SYNRG: variants seen among roughly 807,000 people sequenced by gnomAD.
SYNRG encodes AP1 gamma subunit binding protein 1.
SYNRG carries 37 observed loss-of-function variants against 130.9 expected under a neutral mutation model. The ratio of observed to expected loss-of-function variants is 0.28; its 90% CI spans 0.22 to 0.37. The LOEUF (loss-of-function observed/expected upper bound fraction) is 0.37, where lower values mean the gene tolerates loss of function less well. Among genes scored for constraint, SYNRG ranks in the 10% least tolerant of loss-of-function variants. The probability of loss-of-function intolerance (pLI) is 1.00; values close to 1 mark genes in which losing one functional copy is unlikely to be tolerated. For synonymous variants in SYNRG, 539 were observed against 568.1 expected, an observed-to-expected ratio of 0.95 and a Z score of 0.73; for missense variants, 1,338 against 1,588.9, an observed-to-expected ratio of 0.84 and a Z score of 2.68.
intron 1 of SYNRG, among the ~76,000 whole-genome samples, chr17:37,604,230 A>C (rs2063541393): frequency 1.5e-5 from 2 of 135,336 alleles, no homozygotes; most frequent in Non-Finnish European, 3.1e-5. Context: ...ACAGAGTGAG[A>C]CTCTGTCTAT....
intron 11 of SYNRG, 104 bp from the exon 12 acceptor site, chr17:37,561,693 T>C: frequency 2.6e-6 from 2 of 763,734 alleles, no homozygotes; most frequent in South Asian, 3.5e-5. Flanking sequence ...TTAAAACTCA[T>C]GGCTCTCTGC....
chr17:37,600,244 G>T, intron 2 of SYNRG, 119 bp downstream of exon 2: 1 of 828,432 alleles, frequency 1.2e-6, no homozygotes, highest in Non-Finnish European at 1.8e-6. Context: ...GTTTAAGAGT[G>T]CAGAAAATTT....
At chr17:37,577,690 A>ATT in intron 6 of SYNRG, 77 bp from the exon 7 acceptor site, 1 of 944,918 alleles carries the variant, frequency 1.1e-6, no homozygotes, top group Admixed American at 2.8e-5. Context: ...CTCCACCCCC[A>ATT]TATTCTTTTT....
At position 37,553,582 on chromosome 17, in the gene SYNRG, GCAT is replaced by G. The variant is rs1568365345; in HGVS notation, c.2138_2140del (p.Asp713del). On this transcript the variant is annotated inframe_deletion, in exon 14 of 22. Transcript: ENST00000612223. ...AACAGGACTGGCTTCCTCTTTAAGG[GCAT>G]CATATTTGTCATCCGGCTTTTGCTC... 6.2e-7 allele frequency: 1 copy of G among 1,614,122 alleles called. No homozygotes were observed. Among genetic ancestry groups the G allele is most frequent in the Non-Finnish European group, 8.5e-7 (1 of 1,180,018 alleles).
At chr17:37,565,882 G>A (rs1270443336) in intron 11 of SYNRG, among the ~76,000 whole-genome samples, 1 of 151,342 alleles carries the variant, frequency 6.6e-6, no homozygotes, top group Non-Finnish European at 1.5e-5. Flanking sequence ...GAGCATCTCT[G>A]CCCGGCAGCC....
intron 15 of SYNRG, chr17:37,540,989 A>T (rs2057706630): frequency 1.0e-6 from 1 of 986,968 alleles, no homozygotes; most frequent in Non-Finnish European, 1.2e-6. Flanking sequence ...CACATTCCTC[A>T]TTCATTCTTT....
Position 37,584,768 on chromosome 17 carries a change from C to A in SYNRG, c.478-9G>T. On this transcript the variant is annotated splice_polypyrimidine_tract_variant and intron_variant, in intron 5 of 21. Coordinates refer to ENST00000612223, the MANE Select transcript of SYNRG (RefSeq NM_007247.6). Reference sequence around the variant, plus strand: ...CTACTCTTCTCTCCTGTCTAAGAGACAACAAATATATGCGTATTTCTTTAC... The same window carrying A: ...CTACTCTTCTCTCCTGTCTAAGAGAAAACAAATATATGCGTATTTCTTTAC... 6.3e-7 allele frequency: 1 copy of A among 1,593,962 alleles called. No individual in the cohort carries two copies. The highest frequency in any genetic ancestry group is 8.6e-7 in the Non-Finnish European group (1 of 1,163,068).
At chr17:37,603,147 G>A (rs932080359) in intron 1 of SYNRG, among the ~76,000 whole-genome samples, 1 of 152,182 alleles carries the variant, frequency 6.6e-6, no homozygotes, top group Non-Finnish European at 1.5e-5. Flanking sequence ...ACTTCTGAGT[G>A]AGAAAGGCTC....
chr17:37,609,112 T>C (rs2064143156), intron 1 of SYNRG, among the ~76,000 whole-genome samples, 167 bp downstream of exon 1: 1 of 151,362 alleles, frequency 6.6e-6, no homozygotes, highest in Non-Finnish European at 1.5e-5. Context: ...GTCCAGCACC[T>C]GGGCTCCACA....
chr17:37,602,161 C>A (rs1299702640), intron 1 of SYNRG, among the ~76,000 whole-genome samples: 1 of 151,902 alleles, frequency 6.6e-6, no homozygotes, highest in Non-Finnish European at 1.5e-5. Flanking sequence ...CATGGAGAAA[C>A]CCCATCTCTA....
At chr17:37,527,938 G>A (rs1035751058) in intron 19 of SYNRG, among the ~76,000 whole-genome samples, 16 of 152,254 alleles carry the variant, frequency 1.1e-4, no homozygotes, top group East Asian at 9.7e-4. Context: ...CTGTGATGCC[G>A]CACTACATTC....
chr17:37,522,158 A>ACACACACACACAG (rs2055172609), intron 19 of SYNRG, among the ~76,000 whole-genome samples: 2 of 39,666 alleles, frequency 5.0e-5, no homozygotes, highest in Admixed American at 3.2e-4. Flanking sequence ...CACACACACA[A>ACACACACACACAG]TGGTTAAAAG....
chr17:37,589,674 G>A (rs948019659), intron 3 of SYNRG, among the ~76,000 whole-genome samples: 5 of 151,718 alleles, frequency 3.3e-5, no homozygotes, highest in Non-Finnish European at 5.9e-5. Context: ...GTGTGAACCC[G>A]GGAGGCAGAG....
intron 1 of SYNRG, among the ~76,000 whole-genome samples, chr17:37,607,217 A>T (rs1393028046): frequency 6.6e-6 from 1 of 152,182 alleles, no homozygotes; most frequent in Non-Finnish European, 1.5e-5. Flanking sequence ...AAATCATTCT[A>T]ATTTCTATCA....
At position 37,596,154 on chromosome 17, in the gene SYNRG, G is replaced by A. The variant is rs2062750698; in HGVS notation, c.240+69C>T. The A allele has an allele frequency of 1.9e-6, 3 of 1,541,236 alleles. No homozygotes were observed. In the East Asian group the frequency reaches 6.8e-5, roughly 35 times the overall value. On this transcript the variant is annotated intron_variant, in intron 3 of 21. Coordinates refer to ENST00000612223, the MANE Select transcript of SYNRG (RefSeq NM_007247.6). ...AATTGTAACATTAAGCTCTTAGCCT[G>A]TAGCTCTTGATATATAAACGTAACA...
At chr17:37,548,797 C>G (rs574509953) in intron 14 of SYNRG, among the ~76,000 whole-genome samples, 1 of 146,410 alleles carries the variant, frequency 6.8e-6, no homozygotes, top group South Asian at 2.2e-4. Flanking sequence ...TCCACTCCAG[C>G]CTGGGTGACA....
intron 7 of SYNRG, 198 bp from the exon 8 acceptor site, chr17:37,576,616 T>C (rs1225493788): frequency 4.2e-6 from 2 of 474,182 alleles, no homozygotes; most frequent in Non-Finnish European, 7.4e-6. Context: ...ACGTTAACTA[T>C]GTTCTAAAGA....
At chr17:37,541,420 C>T in intron 15 of SYNRG, 1 of 202,612 alleles carries the variant, frequency 4.9e-6, no homozygotes, top group Non-Finnish European at 8.8e-6. Flanking sequence ...TCTTCGGCTC[C>T]AGCTGCCAAC....
chr17:37,608,834 T>A (rs1229482016), intron 1 of SYNRG, among the ~76,000 whole-genome samples: 1 of 152,090 alleles, frequency 6.6e-6, no homozygotes, highest in East Asian at 1.9e-4. Context: ...CACACCCCCC[T>A]TGGAAACAGT....
Sources: allele counts gnomAD v4.1 joint callset (sites outside exome capture counted in the v4.1 genomes callset), GRCh38; gene constraint gnomAD v4.1.1; transcripts MANE v1.5; gene names NCBI Gene and HGNC (gene_info 2026-07-23, HGNC 2026-07-21).